Variants in DNAH14 observed in about 807,000 individuals in gnomAD.
DNAH14 encodes the protein dynein axonemal heavy chain 14.
A neutral mutation model predicts 520.9 loss-of-function variants in DNAH14; 478 were observed. The ratio of observed to expected loss-of-function variants is 0.92; its 90% CI spans 0.85 to 0.99. The LOEUF (loss-of-function observed/expected upper bound fraction) is 0.99. Among genes scored for constraint, DNAH14 ranks in the 50% least tolerant of loss-of-function variants. The pLI is 0.00. For missense variants in DNAH14, 4,831 were observed against 5,234.5 expected (o/e 0.92, Z 2.38); for synonymous variants, 1,581 against 1,757.2 (o/e 0.90, Z 2.51).
intron 43 of DNAH14, 104 bp from the exon 44 acceptor site, chr1:225,252,197 T>C: frequency 1.4e-6 from 1 of 727,126 alleles, no homozygotes; most frequent in Non-Finnish European, 2.5e-6. Flanking sequence ...ATACTTATTA[T>C]TTCTTGTTCA....
chr1:225,324,186 C>T (rs1045089377), intron 62 of DNAH14, 36 bp from the exon 63 acceptor site: 2 of 1,547,582 alleles, frequency 1.3e-6, no homozygotes, highest in Admixed American at 3.9e-5. Flanking sequence ...AATAATATTT[C>T]TTTCTCATGT....
At chr1:225,127,855 C>T (rs2077923935) in intron 27 of DNAH14, among the ~76,000 whole-genome samples, 1 of 152,032 alleles carries the variant, frequency 6.6e-6, no homozygotes, top group African/African-American at 2.4e-5. Flanking sequence ...AACAGTTGTT[C>T]CTTTCCATGT....
intron 85 of DNAH14, 124 bp downstream of exon 85, chr1:225,398,790 C>T (rs958996146): frequency 9.7e-6 from 13 of 1,334,360 alleles, no homozygotes; most frequent in Middle Eastern, 1.9e-4. Flanking sequence ...ACTCAGACAA[C>T]AAAGATTTTA....
Position 224,974,123 on chromosome 1 carries a change from A to G in DNAH14, c.800A>G (p.Asn267Ser), listed in dbSNP as rs560186049. The G allele has an allele frequency of 6.6e-7, 1 of 1,508,068 alleles. No individual in the cohort carries two copies. The highest frequency in any genetic ancestry group is 2.5e-5 in the East Asian group (1 of 39,492). The allele number at this position is 1,508,068 out of a possible 1,614,324, so 93.4% of individuals were successfully genotyped here. A position where few individuals can be genotyped will look rare whatever the true frequency, so the allele number is the denominator to read the frequency against. Reference protein sequence around the residue: ...MNKAFVTWKLNVKRIKTEKSR... With the variant: ...MNKAFVTWKLSVKRIKTEKSR... ...AAAGCATTTGTTACCTGGAAATTGAATGTTAAAAGAATTAAGACAGAGAAG... is the reference window on the plus strand; with the variant it reads ...AAAGCATTTGTTACCTGGAAATTGAGTGTTAAAAGAATTAAGACAGAGAAG... Residue 267 changes from asparagine to serine, a missense_variant, in exon 8 of 86, where the codon AAT (asparagine) becomes AGT (serine). Physicochemically the swap from Asn to Ser is conservative, Grantham distance 46. Transcript: ENST00000682510.
chr1:225,040,960 G>A (rs933958914), intron 12 of DNAH14, among the ~76,000 whole-genome samples: 8 of 152,152 alleles, frequency 5.3e-5, no homozygotes, highest in African/African-American at 1.4e-4. Flanking sequence ...ACTAGTTTGA[G>A]CATTTTTTCA....
At chr1:225,061,117 G>T (rs577773291) in intron 17 of DNAH14, among the ~76,000 whole-genome samples, 1 of 152,230 alleles carries the variant, frequency 6.6e-6, no homozygotes, top group African/African-American at 2.4e-5. Context: ...CAGAGGTGGA[G>T]TCTACAGAGG....
intron 8 of DNAH14, among the ~76,000 whole-genome samples, chr1:224,992,117 A>G (rs1346677605): frequency 1.3e-5 from 2 of 151,918 alleles, no homozygotes; most frequent in African/African-American, 4.8e-5. Flanking sequence ...TTTTCTGGCC[A>G]ATATCGTGCT....
intron 8 of DNAH14, among the ~76,000 whole-genome samples, chr1:224,984,633 A>G (rs1467427489): frequency 6.6e-6 from 1 of 152,226 alleles, no homozygotes; most frequent in Admixed American, 6.5e-5. Flanking sequence ...AAATCTTTAC[A>G]ATCTATACAT....
chr1:225,398,314 G>A (rs549379756), intron 84 of DNAH14, among the ~76,000 whole-genome samples: 15 of 152,298 alleles, frequency 9.8e-5, no homozygotes, highest in African/African-American at 3.4e-4. Context: ...TTTCAGTTCA[G>A]GATGATTATA....
chr1:225,043,276 GAAAAAAAAAA>G (rs10671374), intron 13 of DNAH14, among the ~76,000 whole-genome samples, 162 bp downstream of exon 13: 4 of 98,168 alleles, frequency 4.1e-5, no homozygotes, highest in Middle Eastern at 6.3e-3. Context: ...GTCTCTTGGG[GAAAAAAAAAA>G]AAAAAAAAAA....
At chr1:225,053,050 G>A (rs993008251) in intron 17 of DNAH14, among the ~76,000 whole-genome samples, 4 of 151,990 alleles carry the variant, frequency 2.6e-5, no homozygotes, top group Non-Finnish European at 5.9e-5. Context: ...CACTTTTAAG[G>A]ATATTTCCCA....
At chr1:225,107,772 GTTCCCTTTTCTCC>G (rs1201333323) in intron 23 of DNAH14, among the ~76,000 whole-genome samples, 1 of 152,110 alleles carries the variant, frequency 6.6e-6, no homozygotes, top group Non-Finnish European at 1.5e-5. Context: ...GTGTACAAGG[GTTCCCTTTTCTCC>G]ATATCCTTGC....
intron 64 of DNAH14, among the ~76,000 whole-genome samples, chr1:225,325,900 C>A (rs1266981931): frequency 6.6e-6 from 1 of 152,200 alleles, no homozygotes; most frequent in East Asian, 1.9e-4. Flanking sequence ...TCACTTCAAG[C>A]ATTTCTGCTA....
At chr1:225,024,335 CAATG>C (rs1415215499) in intron 11 of DNAH14, 3 of 883,534 alleles carry the variant, frequency 3.4e-6, no homozygotes, top group Admixed American at 6.2e-5. Flanking sequence ...AATATTTTCC[CAATG>C]AAAAAACTAT....
intron 41 of DNAH14, among the ~76,000 whole-genome samples, chr1:225,211,307 A>T (rs532322236): frequency 6.6e-6 from 1 of 152,304 alleles, no homozygotes; most frequent in South Asian, 2.1e-4. Context: ...AGAGAAGAAA[A>T]TAAATGACCT....
chr1:225,171,676 A>T (rs2082685259), intron 36 of DNAH14, among the ~76,000 whole-genome samples: 1 of 152,206 alleles, frequency 6.6e-6, no homozygotes, highest in Non-Finnish European at 1.5e-5. Context: ...TTCACAGCCG[A>T]CTTCTGTCAG....
At chr1:225,029,597 C>T (rs2066383719) in intron 11 of DNAH14, among the ~76,000 whole-genome samples, 1 of 151,870 alleles carries the variant, frequency 6.6e-6, no homozygotes, top group Admixed American at 6.6e-5. Flanking sequence ...AATCTACTGA[C>T]CACACAAATA....
intron 58 of DNAH14, 92 bp downstream of exon 58, chr1:225,305,181 G>T (rs1165638193): frequency 4.3e-6 from 6 of 1,395,330 alleles, no homozygotes; most frequent in South Asian, 1.4e-5. Context: ...AGCCAAATCT[G>T]CCTTTTTGGT....
intron 36 of DNAH14, among the ~76,000 whole-genome samples, chr1:225,184,286 C>G (rs192847740): frequency 1.3e-5 from 2 of 151,990 alleles, no homozygotes; most frequent in East Asian, 3.9e-4. Context: ...TCAACATATG[C>G]AAATTAATGA....
Sources: gnomAD v4.1 joint callset for allele counts (sites outside exome capture counted in the v4.1 genomes callset) on GRCh38, gnomAD v4.1.1 for gene constraint, MANE v1.5 for transcripts, NCBI Gene and HGNC (gene_info 2026-07-23, HGNC 2026-07-21) for gene names.